Variants in DESI2 observed in about 807,000 individuals in gnomAD.
DESI2 encodes the protein deubiquitinase DESI2.
Under a neutral mutation model 24.1 loss-of-function variants are expected in DESI2, and 10 were observed. The observed-to-expected ratio is 0.41, with a 90% CI of 0.26 to 0.70. DESI2 has a LOEUF of 0.70. Among genes scored for constraint, DESI2 ranks in the 30% least tolerant of loss-of-function variants. The pLI, the probability that DESI2 is intolerant of heterozygous loss-of-function variation, is 0.29. For synonymous variants in DESI2, 71 were observed against 87.7 expected (o/e 0.81, Z 1.06); for missense variants, 122 against 234.9 (o/e 0.52, Z 3.14).
chr1:244,686,734 C>A, intron 2 of DESI2, 65 bp downstream of exon 2: 2 of 1,015,558 alleles, frequency 2.0e-6, no homozygotes, highest in Non-Finnish European at 3.1e-6. Flanking sequence ...GTTGCAAAAT[C>A]ATAACTATAG....
At chr1:244,684,366 G>GTGT (rs1329103231) in intron 1 of DESI2, among the ~76,000 whole-genome samples, 6 of 152,090 alleles carry the variant, frequency 3.9e-5, no homozygotes, top group Non-Finnish European at 2.9e-5. Context: ...CCCTAGCCAC[G>GTGT]TGTACTCCTC....
chr1:244,705,901 C>A lies in DESI2; in HGVS notation c.*112C>A. ...TTTGTATGCAAAGATGGCTCTCCCC[C>A]AAATCCCAGTTTTTCAGCTCAGGAT... On this transcript the variant is annotated 3_prime_UTR_variant, in exon 5 of 5. Coordinates refer to ENST00000302550, the MANE Select transcript of DESI2 (RefSeq NM_016076.5). The A allele has an allele frequency of 1.3e-6, 1 of 754,098 alleles. No homozygotes were observed. Among genetic ancestry groups the A allele is most frequent in the Non-Finnish European group, 2.1e-6 (1 of 475,214 alleles). 46.7% of individuals were successfully genotyped at this position (754,098 alleles called of 1,614,324 possible).
chr1:244,655,118 A>G (rs1376670202), intron 1 of DESI2, among the ~76,000 whole-genome samples: 3 of 152,224 alleles, frequency 2.0e-5, no homozygotes, highest in Admixed American at 2.0e-4. Context: ...TAGAGATGGT[A>G]TTCAGTATTT....
chr1:244,692,088 A>G, intron 4 of DESI2, 68 bp downstream of exon 4: 1 of 1,301,584 alleles, frequency 7.7e-7, no homozygotes, highest in East Asian at 2.4e-5. Context: ...TTGATATCCC[A>G]CTATATTCGA....
chr1:244,679,312 G>C (rs184284835), intron 1 of DESI2, among the ~76,000 whole-genome samples: 6 of 152,296 alleles, frequency 3.9e-5, no homozygotes, highest in Non-Finnish European at 1.5e-5. Context: ...ACTTAGAAAT[G>C]CATCTCTTGT....
chr1:244,682,070 T>C lies in DESI2; in HGVS notation c.43-4527T>C, dbSNP rs552394182. Among the ~76,000 whole-genome samples the C allele has an allele frequency of 3.9e-5, 6 of 152,308 alleles. No homozygotes were observed. In the East Asian group the frequency reaches 1.2e-3, roughly 29 times the overall value. ...TGAAGCTGCAGACCCTTGTGGTCAG[T>C]GTTACAGCTCATAAAGGTAGTGCAG... On this transcript the variant is annotated intron_variant, in intron 1 of 4. Coordinates refer to ENST00000302550, the MANE Select transcript of DESI2 (RefSeq NM_016076.5).
intron 1 of DESI2, among the ~76,000 whole-genome samples, chr1:244,675,412 A>T (rs1676384968): frequency 6.6e-6 from 1 of 152,308 alleles, no homozygotes; most frequent in Non-Finnish European, 1.5e-5. Context: ...TTATAATTTA[A>T]GCTCTTGCAT....
chr1:244,653,415 G>T, intron 1 of DESI2, 60 bp downstream of exon 1: 2 of 1,509,390 alleles, frequency 1.3e-6, no homozygotes, highest in Non-Finnish European at 1.8e-6. Flanking sequence ...CTCGCCCGTG[G>T]GGCTCGGACC....
rs1573224049 is a variant in DESI2 at position 244,694,818 on chromosome 1, C to T, written c.351+2798C>T. The T allele has an allele frequency of 5.5e-5, 29 of 532,092 alleles. No individual in the cohort carries two copies. The East Asian group carries it at 9.0e-4, about 17-fold the overall frequency. The allele number at this position is 532,092 out of a possible 1,614,324, so 33.0% of individuals were successfully genotyped here. On this transcript the variant is annotated intron_variant, in intron 4 of 4. Coordinates refer to ENST00000302550, the MANE Select transcript of DESI2 (RefSeq NM_016076.5). ...TGTTTCCTTGACTGCTTTCCGGCTG[C>T]AGTGGCAGAGTTGAGTAGCTGCAGC...
chr1:244,692,135 T>C, intron 4 of DESI2, 115 bp downstream of exon 4: 3 of 914,140 alleles, frequency 3.3e-6, no homozygotes, highest in Non-Finnish European at 4.9e-6. Context: ...TTGTGTTGTA[T>C]GAAATATGGT....
At chr1:244,657,259 C>T (rs1675680566) in intron 1 of DESI2, among the ~76,000 whole-genome samples, 1 of 152,204 alleles carries the variant, frequency 6.6e-6, no homozygotes, top group Non-Finnish European at 1.5e-5. Flanking sequence ...TCCGATTTCT[C>T]ATACATCTGC....
chr1:244,686,838 A>G (rs1429834587), intron 2 of DESI2, among the ~76,000 whole-genome samples, 169 bp downstream of exon 2: 2 of 152,242 alleles, frequency 1.3e-5, no homozygotes, highest in Non-Finnish European at 2.9e-5. Flanking sequence ...AAAAATGCCC[A>G]AAGTAGAATG....
At chr1:244,676,431 A>G (rs980433136) in intron 1 of DESI2, among the ~76,000 whole-genome samples, 9 of 151,984 alleles carry the variant, frequency 5.9e-5, no homozygotes, top group Admixed American at 1.3e-4. Flanking sequence ...TAACTTATCT[A>G]TTAGTTTTAG....
At chr1:244,704,012 T>G (rs907657731) in intron 4 of DESI2, among the ~76,000 whole-genome samples, 1 of 152,168 alleles carries the variant, frequency 6.6e-6, no homozygotes, top group African/African-American at 2.4e-5. Context: ...TGATAGGTGC[T>G]TGGTAATCAA....
In DESI2 at chr1:244,703,000, C is replaced by CTTTTTTTTTT. The variant is rs72210181; in HGVS notation, c.352-2549_352-2540dup. On this transcript the variant is annotated intron_variant, in intron 4 of 4. Transcript: ENST00000302550. ...ACAATGTAATATTTGTTTGCCAGCG[C>CTTTTTTTTTT]TTTTTTTTTTTTTTTTGGTGAGACG... Among the ~76,000 whole-genome samples, 10 of 131,604 alleles carry CTTTTTTTTTT rather than the reference C, an allele frequency of 7.6e-5. 1 individual carries two copies. The highest frequency in any genetic ancestry group is 4.0e-3 in the Middle Eastern group (1 of 252). 86.3% of individuals were successfully genotyped at this position (131,604 alleles called of 152,430 possible). A position where few individuals can be genotyped will look rare whatever the true frequency, so the allele number is the denominator to read the frequency against.
rs572895348 is a variant in DESI2 at position 244,693,497 on chromosome 1, T to C, written c.351+1477T>C. On this transcript the variant is annotated intron_variant, in intron 4 of 4. Coordinates refer to ENST00000302550, the MANE Select transcript of DESI2 (RefSeq NM_016076.5). The stretch of plus-strand genomic sequence containing the variant: ...CCCAGGCTGGAGTGCAGTGGGACCA[T>C]CTTGGCTCACCACAACCTCTGCCTC... Among the ~76,000 whole-genome samples the C allele has an allele frequency of 5.3e-5, 8 of 152,124 alleles. No homozygotes were observed. The East Asian group carries it at 1.4e-3, about 26-fold the overall frequency.
Position 244,653,210 on chromosome 1 carries a change from G to C in DESI2, c.-104G>C. 8.1e-7 allele frequency: 1 copy of C among 1,233,554 alleles called. No homozygotes were observed. Among genetic ancestry groups the C allele is most frequent in the Non-Finnish European group, 1.1e-6 (1 of 930,606 alleles). The allele number at this position is 1,233,554 out of a possible 1,614,324, so 76.4% of individuals were successfully genotyped here. On this transcript the variant is annotated 5_prime_UTR_variant, in exon 1 of 5. An upstream open reading frame in the 5' UTR loses its in-frame stop. Transcript: ENST00000302550. ...TGCCGCGGGCCGGGCTGTACGCTTA[G>C]TGCCCGGCTCAGGCCCCCTGAAGCG...
At chr1:244,669,741 G>A (rs1223420093) in intron 1 of DESI2, among the ~76,000 whole-genome samples, 1 of 152,128 alleles carries the variant, frequency 6.6e-6, no homozygotes, top group African/African-American at 2.4e-5. Flanking sequence ...AGGTAAGTGT[G>A]TATTAGTATT....
At chr1:244,692,765 A>C (rs925262752) in intron 4 of DESI2, among the ~76,000 whole-genome samples, 1 of 151,972 alleles carries the variant, frequency 6.6e-6, no homozygotes, top group African/African-American at 2.4e-5. Flanking sequence ...CTTTCAGACA[A>C]CTCTCACAGA....
Sources: gnomAD v4.1 joint callset for allele counts (sites outside exome capture counted in the v4.1 genomes callset) on GRCh38, gnomAD v4.1.1 for gene constraint, MANE v1.5 for transcripts, NCBI Gene and HGNC (gene_info 2026-07-23, HGNC 2026-07-21) for gene names.